Variants in ARHGEF11 observed in about 807,000 individuals in gnomAD.
ARHGEF11 encodes Rho guanine nucleotide exchange factor 11, also known as Rho guanine exchange factor (GEF) 11.
ARHGEF11 carries 55 observed loss-of-function variants against 193.7 expected under a neutral mutation model. The ratio of observed to expected loss-of-function variants is 0.28; its 90% CI spans 0.23 to 0.36. The LOEUF is 0.36. Among genes scored for constraint, ARHGEF11 ranks in the 10% least tolerant of loss-of-function variants. The probability of loss-of-function intolerance (pLI) is 1.00; values close to 1 mark genes in which losing one functional copy is unlikely to be tolerated. For missense variants in ARHGEF11, 1,723 were observed against 2,005.6 expected, an observed-to-expected ratio of 0.86 and a Z score of 2.69; for synonymous variants, 693 against 768.0, an observed-to-expected ratio of 0.90 and a Z score of 1.62.
At chr1:157,043,442 T>G (rs571079183) in intron 1 of ARHGEF11, among the ~76,000 whole-genome samples, 1 of 152,120 alleles carries the variant, frequency 6.6e-6, no homozygotes, top group African/African-American at 2.4e-5. Context: ...GAGGTAAGAA[T>G]TGCAACCACA....
At chr1:156,991,447 G>A (rs1412536258) in intron 1 of ARHGEF11, among the ~76,000 whole-genome samples, 1 of 152,028 alleles carries the variant, frequency 6.6e-6, no homozygotes, top group Non-Finnish European at 1.5e-5. Flanking sequence ...AGCCTCCCAA[G>A]TAGCTGGGAT....
At chr1:156,952,972 G>A (rs1007212889) in intron 21 of ARHGEF11, among the ~76,000 whole-genome samples, 6 of 152,202 alleles carry the variant, frequency 3.9e-5, no homozygotes, top group Non-Finnish European at 7.3e-5. Context: ...ACTGAAAGCC[G>A]GCAGGCTGAG....
chr1:156,957,438 C>G (rs1182204429), intron 18 of ARHGEF11, among the ~76,000 whole-genome samples: 6 of 152,210 alleles, frequency 3.9e-5, no homozygotes, highest in Non-Finnish European at 8.8e-5. Flanking sequence ...ATTACTGTTA[C>G]TACTTGAGGT....
intron 1 of ARHGEF11, among the ~76,000 whole-genome samples, chr1:157,009,348 C>CATATATTTGAGGCATAT (rs1668276413): frequency 6.6e-6 from 1 of 152,184 alleles, no homozygotes; most frequent in African/African-American, 2.4e-5. Flanking sequence ...AATGCTTTGA[C>CATATATTTGAGGCATAT]ATTTGAGGCA....
Position 156,935,830 on chromosome 1 carries a change from A to G in ARHGEF11, c.*170T>C. ...GACACTGAAACCTGACTCCGACTTG[A>G]GCAGACCAAGCAACATGCGGGTCTC... On this transcript the variant is annotated 3_prime_UTR_variant, in exon 41 of 41. Coordinates refer to ENST00000368194, the MANE Select transcript of ARHGEF11 (RefSeq NM_198236.3). 1 of 705,530 alleles carries G rather than the reference A, an allele frequency of 1.4e-6. No individual in the cohort carries two copies. The highest frequency in any genetic ancestry group is 3.1e-5 in the Admixed American group (1 of 32,658). 43.7% of individuals were successfully genotyped at this position (705,530 alleles called of 1,614,324 possible). A position where few individuals can be genotyped will look rare whatever the true frequency, so the allele number is the denominator to read the frequency against.
Position 156,937,089 on chromosome 1 carries a change from G to C in ARHGEF11, c.4441-84C>G. On this transcript the variant is annotated intron_variant, in intron 39 of 40. Coordinates refer to ENST00000368194, the MANE Select transcript of ARHGEF11 (RefSeq NM_198236.3). ...GAAGGGGTCTGTGCTGGGCCTTGGG[G>C]AGGAGGGTGTGATTTAAGGGTGGCT... is the stretch of plus-strand genomic sequence containing the variant. The C allele has an allele frequency of 3.2e-6, 5 of 1,570,280 alleles. No homozygotes were observed. The South Asian group carries it at 3.6e-5, about 11-fold the overall frequency.
intron 35 of ARHGEF11, 150 bp downstream of exon 35, chr1:156,941,222 T>C (rs1448258372): frequency 4.4e-6 from 3 of 676,102 alleles, no homozygotes; most frequent in African/African-American, 1.8e-5. Context: ...TTCCAGACTC[T>C]TCCTCCCGCC....
intron 1 of ARHGEF11, among the ~76,000 whole-genome samples, chr1:157,028,366 C>T (rs1670904704): frequency 6.6e-6 from 1 of 152,174 alleles, no homozygotes; most frequent in Non-Finnish European, 1.5e-5. Flanking sequence ...TTTATTTAAT[C>T]TTCAGAGGAA....
At chr1:156,977,969 T>C (rs1663503846) in intron 6 of ARHGEF11, among the ~76,000 whole-genome samples, 1 of 152,182 alleles carries the variant, frequency 6.6e-6, no homozygotes, top group African/African-American at 2.4e-5. Flanking sequence ...AAACACACAA[T>C]GTTGCTGTGT....
At chr1:156,967,611 A>C (rs1661868837) in intron 11 of ARHGEF11, among the ~76,000 whole-genome samples, 2 of 152,136 alleles carry the variant, frequency 1.3e-5, no homozygotes. Context: ...CCAAGTAATA[A>C]GATTTTGTTT....
intron 1 of ARHGEF11, among the ~76,000 whole-genome samples, chr1:157,001,706 T>C (rs1035780951): frequency 1.3e-5 from 2 of 152,174 alleles, no homozygotes; most frequent in Admixed American, 6.5e-5. Flanking sequence ...GGAGGAAAAG[T>C]GGTTTTTAGA....
intron 1 of ARHGEF11, among the ~76,000 whole-genome samples, chr1:157,019,970 C>CA: frequency 6.6e-6 from 1 of 151,708 alleles, no homozygotes; most frequent in East Asian, 1.9e-4. Flanking sequence ...ACTAAAAATA[C>CA]AAAAAAATTA....
intron 1 of ARHGEF11, among the ~76,000 whole-genome samples, chr1:156,991,733 T>C (rs915394040): frequency 7.4e-6 from 1 of 135,330 alleles, no homozygotes; most frequent in Non-Finnish European, 1.6e-5. Flanking sequence ...TTTTTTTTTT[T>C]TGAGACGGAG....
Position 156,968,102 on chromosome 1 carries a change from A to G in ARHGEF11, c.848T>C (p.Val283Ala), listed in dbSNP as rs757424924. ...ACTGTCTAGCCCAGGGTCTGACAGT[A>G]CCGAGTTCCGATTCATCAATGACTA... ...LSESLMNRNS[V>A]LSDPGLDSPR... Residue 283 changes from valine to alanine, a missense_variant, in exon 11 of 41, where the codon GTA becomes GCA. Val to Ala is a moderately conservative substitution (Grantham distance 64). Coordinates refer to ENST00000368194, the MANE Select transcript of ARHGEF11 (RefSeq NM_198236.3). The G allele has an allele frequency of 1.2e-6, 2 of 1,611,020 alleles. No homozygotes were observed. Among genetic ancestry groups the G allele is most frequent in the Non-Finnish European group, 1.7e-6 (2 of 1,177,980 alleles).
intron 7 of ARHGEF11, among the ~76,000 whole-genome samples, chr1:156,972,449 G>A (rs547198728): frequency 3.3e-5 from 5 of 152,338 alleles, no homozygotes; most frequent in African/African-American, 9.6e-5. Context: ...CTCATGGGAC[G>A]GGTGTAATAG....
At chr1:157,046,834 A>C (rs1297110274), upstream of ARHGEF11, among the ~76,000 whole-genome samples, 51 of 146,220 alleles carry the variant, frequency 3.5e-4, no homozygotes, top group African/African-American at 4.3e-4. Context: ...ACATGGTGAA[A>C]CCCCCCCCCT....
intron 1 of ARHGEF11, among the ~76,000 whole-genome samples, chr1:156,994,153 T>G (rs1207113076): frequency 6.6e-6 from 1 of 152,222 alleles, no homozygotes; most frequent in Non-Finnish European, 1.5e-5. Context: ...CATCTGTTAG[T>G]CTGTCATCTC....
Position 156,948,065 on chromosome 1 carries a change from G to A in ARHGEF11, c.2154-109C>T, listed in dbSNP as rs754608820. On this transcript the variant is annotated intron_variant, in intron 24 of 40. Transcript: ENST00000368194. This position sits in a 1 kb window ranked among gnomAD's most constrained non-coding sequence, Gnocchi z 4.2. The stretch of plus-strand genomic sequence containing the variant: ...CTTGCCCCATGCACATGGGAAACCA[G>A]TGGGCCCAGAAGAGGAGACAGCCAC... 151 of 1,540,174 alleles carry A rather than the reference G, an allele frequency of 9.8e-5. No individual in the cohort carries two copies. The highest frequency in any genetic ancestry group is 1.2e-4 in the Non-Finnish European group (137 of 1,136,586).
At chr1:156,950,528 T>C (rs112158704) in intron 22 of ARHGEF11, among the ~76,000 whole-genome samples, 11 of 152,200 alleles carry the variant, frequency 7.2e-5, no homozygotes, top group African/African-American at 2.6e-4. Flanking sequence ...TATCCCTAGT[T>C]ACTCAGGAGG....
Sources: gnomAD v4.1 joint callset for allele counts (sites outside exome capture counted in the v4.1 genomes callset) on GRCh38, gnomAD v4.1.1 for gene constraint, Gnocchi (gnomAD v3.1) non-coding constraint, MANE v1.5 for transcripts, NCBI Gene and HGNC (gene_info 2026-07-23, HGNC 2026-07-21) for gene names.